TRIP12: variants seen among roughly 807,000 people sequenced by gnomAD.
TRIP12 encodes the protein thyroid hormone receptor interactor 12.
Under a neutral mutation model 244.2 loss-of-function variants are expected in TRIP12, and 25 were observed. The ratio of observed to expected loss-of-function variants is 0.10; its 90% confidence interval spans 0.07 to 0.14. TRIP12 has a LOEUF of 0.14. Ranked by LOEUF, TRIP12 falls within the 10% of genes least tolerant of loss-of-function variation. The pLI is 1.00. For missense variants in TRIP12, 1,677 were observed against 2,486.4 expected (o/e 0.67, Z 6.92); for synonymous variants, 905 against 873.1 (o/e 1.04, Z -0.64).
At chr2:229,794,528 T>C (rs1301553172) in intron 26 of TRIP12, among the ~76,000 whole-genome samples, 2 of 152,076 alleles carry the variant, frequency 1.3e-5, no homozygotes, top group Non-Finnish European at 1.5e-5. Flanking sequence ...TTCACACTAG[T>C]GTAATTTGGC....
chr2:229,787,430 G>GAT, intron 33 of TRIP12, 75 bp downstream of exon 33: 1 of 1,488,614 alleles, frequency 6.7e-7, no homozygotes, highest in Non-Finnish European at 9.1e-7. Context: ...TGCATATTTA[G>GAT]ATATACTACA....
chr2:229,773,174 C>G (rs1336955539), intron 38 of TRIP12, among the ~76,000 whole-genome samples: 2 of 151,672 alleles, frequency 1.3e-5, no homozygotes, highest in African/African-American at 4.8e-5. Flanking sequence ...CTCCCTGGTT[C>G]AAGCGGTTCT....
chr2:229,858,224 C>A (rs1021864764), intron 4 of TRIP12, among the ~76,000 whole-genome samples: 2 of 152,094 alleles, frequency 1.3e-5, no homozygotes, highest in Non-Finnish European at 2.9e-5. Context: ...ATTACCCAGG[C>A]ATGGTGTGCA....
At chr2:229,809,727 T>C (rs779551469) in intron 15 of TRIP12, among the ~76,000 whole-genome samples, 1 of 152,048 alleles carries the variant, frequency 6.6e-6, no homozygotes, top group Non-Finnish European at 1.5e-5. Context: ...TAGGGTTGTC[T>C]GGAATACCAA....
chr2:229,819,509 C>T (rs1217848227), intron 8 of TRIP12, among the ~76,000 whole-genome samples: 1 of 152,180 alleles, frequency 6.6e-6, no homozygotes, highest in African/African-American at 2.4e-5. Flanking sequence ...CATGTCACTG[C>T]ACTCCAGACT....
intron 1 of TRIP12, among the ~76,000 whole-genome samples, chr2:229,919,577 C>T (rs2076118547): frequency 6.6e-6 from 1 of 151,616 alleles, no homozygotes; most frequent in Non-Finnish European, 1.5e-5. Flanking sequence ...TGGAACCTAA[C>T]TGCCAAAATT....
chr2:229,772,786 T>C (rs1296632744), intron 38 of TRIP12, among the ~76,000 whole-genome samples: 2 of 151,798 alleles, frequency 1.3e-5, no homozygotes, highest in East Asian at 3.9e-4. Flanking sequence ...CTATATTCTC[T>C]CTCTCTCTCT....
At chr2:229,774,065 C>A in intron 38 of TRIP12, 32 bp downstream of exon 38, 1 of 1,599,412 alleles carries the variant, frequency 6.3e-7, no homozygotes, top group Non-Finnish European at 8.5e-7. Flanking sequence ...GTCTTCACAA[C>A]TGGCCTACCC....
chr2:229,865,340 AAAAG>A (rs1159767409), intron 2 of TRIP12, among the ~76,000 whole-genome samples: 5,520 of 45,652 alleles, frequency 0.12, 232 homozygotes, highest in African/African-American at 0.24. Flanking sequence ...AAAAAAAAAA[AAAAG>A]AAAGAAAGAA....
intron 13 of TRIP12, among the ~76,000 whole-genome samples, chr2:229,813,294 T>C (rs1489364506): frequency 2.0e-5 from 3 of 152,202 alleles, no homozygotes; most frequent in Non-Finnish European, 4.4e-5. Flanking sequence ...CAATGTTTGC[T>C]GAAATAACAA....
intron 9 of TRIP12, among the ~76,000 whole-genome samples, chr2:229,816,211 C>G (rs1324961785): frequency 6.6e-6 from 1 of 152,018 alleles, no homozygotes; most frequent in East Asian, 1.9e-4. Context: ...GTCTTCTCAG[C>G]TGTGAATTGT....
At chr2:229,867,867 T>A (rs1037426904) in intron 2 of TRIP12, among the ~76,000 whole-genome samples, 1 of 152,224 alleles carries the variant, frequency 6.6e-6, no homozygotes, top group Non-Finnish European at 1.5e-5. Flanking sequence ...AAATTACTAA[T>A]AGAAAACATA....
chr2:229,803,867 A>T, intron 19 of TRIP12, 132 bp downstream of exon 19: 1 of 873,694 alleles, frequency 1.1e-6, no homozygotes, highest in South Asian at 1.9e-5. Context: ...GAATATAAAT[A>T]GACAAAAAAG....
chr2:229,806,652 C>T (rs2045962797), intron 17 of TRIP12, among the ~76,000 whole-genome samples: 1 of 152,130 alleles, frequency 6.6e-6, no homozygotes, highest in Admixed American at 6.6e-5. Context: ...GCAGGATTGG[C>T]CTGCTTATAC....
intron 4 of TRIP12, among the ~76,000 whole-genome samples, chr2:229,846,329 C>T (rs1010832193): frequency 2.6e-5 from 4 of 152,180 alleles, no homozygotes; most frequent in African/African-American, 9.7e-5. Flanking sequence ...CAGCAACCAC[C>T]ACCCTGATCA....
rs552872364 is a variant in TRIP12 at position 229,767,519 on chromosome 2, G to A, written c.*35C>T. The A allele has an allele frequency of 6.5e-7, 1 of 1,545,352 alleles. No individual in the cohort carries two copies. Among genetic ancestry groups the A allele is most frequent in the Admixed American group, 2.1e-5 (1 of 48,700 alleles). On this transcript the variant is annotated 3_prime_UTR_variant, in exon 42 of 42. Transcript: ENST00000675903. ...AAAGAAATCATGATTTGTTTCTTTT[G>A]CTGTAACAGGCAGACACTGCATTTC...
intron 1 of TRIP12, among the ~76,000 whole-genome samples, chr2:229,891,117 A>C (rs1270101457): frequency 1.3e-5 from 2 of 152,074 alleles, no homozygotes. Flanking sequence ...CCATCTCTAC[A>C]AAATATTTAA....
chr2:229,843,850 C>T (rs2057030835), intron 4 of TRIP12, among the ~76,000 whole-genome samples: 1 of 151,824 alleles, frequency 6.6e-6, no homozygotes, highest in African/African-American at 2.4e-5. Flanking sequence ...CTACTGCACT[C>T]CAGCCTGGAT....
At chr2:229,789,482 A>G in intron 31 of TRIP12, 129 bp downstream of exon 31, 1 of 1,051,430 alleles carries the variant, frequency 9.5e-7, no homozygotes, top group Non-Finnish European at 1.3e-6. Flanking sequence ...GTTTCCACTG[A>G]TGAGTACATT....
Sources: allele counts gnomAD v4.1 joint callset (sites outside exome capture counted in the v4.1 genomes callset), GRCh38; gene constraint gnomAD v4.1.1; transcripts MANE v1.5; gene names NCBI Gene and HGNC (gene_info 2026-07-23, HGNC 2026-07-21).